The following TUB variants were observed in gnomAD, a reference collection of about 807,000 sequenced individuals.
The protein encoded by TUB is tubby protein homolog.
TUB carries 33 observed loss-of-function variants against 59.7 expected under a neutral mutation model. The ratio of observed to expected loss-of-function variants is 0.55; its 90% CI spans 0.42 to 0.74. TUB has a LOEUF of 0.74. Ranked by LOEUF, TUB falls within the 30% of genes least tolerant of loss-of-function variation. The pLI is 0.00. For missense variants in TUB, 659 were observed against 672.0 expected, an observed-to-expected ratio of 0.98 and a Z score of 0.21; for synonymous variants, 293 against 256.4, an observed-to-expected ratio of 1.14 and a Z score of -1.36.
In TUB at chr11:8,101,976, A is replaced by G. The variant is rs1379616749; in HGVS notation, c.*357A>G. 53 of 269,394 alleles carry G rather than the reference A, an allele frequency of 2.0e-4. No individual in the cohort carries two copies. In the Admixed American group the frequency reaches 2.5e-3, roughly 12 times the overall value. The allele number at this position is 269,394 out of a possible 1,614,324, so 16.7% of individuals were successfully genotyped here. A position where few individuals can be genotyped will look rare whatever the true frequency, so the allele number is the denominator to read the frequency against. ...AGAGGCATAGAGGGAGAGGAAGCAC[A>G]CTGCAGGGCTGCTGTGGCCCAGTCG... On this transcript the variant is annotated 3_prime_UTR_variant, in exon 12 of 12. Transcript: ENST00000299506.
exon 1 of TUB, chr11:8,038,766 G>A: frequency 6.6e-7 from 1 of 1,512,926 alleles, no homozygotes. Context: ...ACATCCAAGT[G>A]CTGGTTTCAG....
intron 2 of TUB, among the ~76,000 whole-genome samples, chr11:8,065,727 CAGCTCTGCTTCAGGGTTTATCTGACCCA>C (rs991534787): frequency 6.6e-6 from 1 of 152,136 alleles, no homozygotes; most frequent in African/African-American, 2.4e-5. Context: ...GCTGGAAGAG[CAGCTCTGCTTCAGGGTTTATCTGACCCA>C]AGGGTAATGA....
Position 8,100,937 on chromosome 11 carries a change from T to C in TUB, c.1327T>C (p.Phe443Leu), listed in dbSNP as rs1430609247. The part of the protein sequence containing the change: ...NDDTQSYVLN[F>L]HGRVTQASVK... The stretch of plus-strand genomic sequence containing the variant: ...TGACACACAGTCCTATGTACTCAAC[T>C]TCCATGGGCGCGTCACACAGGCCTC... The change falls in exon 11 of 12, where the codon TTC (phenylalanine) becomes CTC (leucine). Residue 443 changes from phenylalanine (F) to leucine (L), a missense_variant. Around this residue, in one of 3 missense-constraint regions of TUB, gnomAD observed 226 missense variants for 210.8 expected, o/e 1.07. Coordinates refer to ENST00000299506, the MANE Select transcript of TUB (RefSeq NM_177972.3). The C allele has an allele frequency of 6.2e-7, 1 of 1,614,016 alleles. No homozygotes were observed. The highest frequency in any genetic ancestry group is 8.5e-7 in the Non-Finnish European group (1 of 1,180,022).
intron 2 of TUB, chr11:8,062,142 T>G (rs997777013): frequency 2.0e-5 from 3 of 152,304 alleles, no homozygotes; most frequent in Non-Finnish European, 4.4e-5. Context: ...AGACGGAGTC[T>G]GCCCAGGCCA....
intron 2 of TUB, among the ~76,000 whole-genome samples, chr11:8,067,208 T>C (rs1185289426): frequency 6.6e-6 from 1 of 152,202 alleles, no homozygotes; most frequent in African/African-American, 2.4e-5. Context: ...TTAAAAATAC[T>C]GCGCATATGA....
Position 8,105,256 on chromosome 11 carries a change from T to G in TUB, c.*3637T>G, listed in dbSNP as rs1944502609. ...TCAGGATGCCAAGTGGCCCTCAGAT[T>G]ACACTTCTCCAGATAGCTGAATGAG... On this transcript the variant is annotated 3_prime_UTR_variant, in exon 12 of 12. Transcript: ENST00000299506. The G allele has an allele frequency of 6.6e-6, 1 of 152,220 alleles. No individual in the cohort carries two copies. Among genetic ancestry groups the G allele is most frequent in the African/African-American group, 2.4e-5 (1 of 41,436 alleles). 9.4% of individuals were successfully genotyped at this position (152,220 alleles called of 1,614,324 possible).
At chr11:8,085,394 C>G (rs1362898413) in intron 1 of TUB, among the ~76,000 whole-genome samples, 1 of 152,214 alleles carries the variant, frequency 6.6e-6, no homozygotes, top group East Asian at 1.9e-4. Context: ...GGAATGGGGA[C>G]GGCACATCCT....
At chr11:8,038,688 G>C (rs1942687853) in exon 1 of TUB, 2 of 1,428,980 alleles carry the variant, frequency 1.4e-6, no homozygotes, top group African/African-American at 1.4e-5. Flanking sequence ...ACCAGAAGAT[G>C]TTTCCATGTC....
At position 8,052,705 on chromosome 11, in the gene TUB, G is replaced by A. The variant is rs986020406; in HGVS notation, c.203+13013G>A. ...TTAGCCAGGATGATCTCGATCTCCT[G>A]ACCTCGTGATCCGGCCACCTTGGCC... is the stretch of plus-strand genomic sequence containing the variant. On this transcript the variant is annotated intron_variant, in intron 2 of 12. Coordinates refer to the TUB transcript ENST00000305253. Among the ~76,000 whole-genome samples the A allele has an allele frequency of 3.9e-5, 6 of 152,124 alleles. No individual in the cohort carries two copies. In the East Asian group the frequency reaches 1.2e-3, roughly 29 times the overall value.
At chr11:8,046,057 G>T (rs796250203) in intron 2 of TUB, among the ~76,000 whole-genome samples, 1 of 152,072 alleles carries the variant, frequency 6.6e-6, no homozygotes, top group Admixed American at 6.6e-5. Flanking sequence ...ACAGGCCTCC[G>T]AAGCACATTT....
chr11:8,059,397 A>C (rs1943079495), intron 2 of TUB, among the ~76,000 whole-genome samples: 1 of 152,174 alleles, frequency 6.6e-6, no homozygotes. Context: ...AGGCTGGGAC[A>C]AGAGGAGCTG....
chr11:8,096,716 TGAG>T lies in TUB; in HGVS notation c.603_605del (p.Glu201del), dbSNP rs371564823. 3.1e-6 allele frequency: 5 copies of T among 1,613,252 alleles called. No homozygotes were observed. In the East Asian group the frequency reaches 8.9e-5, roughly 29 times the overall value. On this transcript the variant is annotated inframe_deletion, in exon 6 of 12. Coordinates refer to ENST00000299506, the MANE Select transcript of TUB (RefSeq NM_177972.3). ...CCAGCAGCATGAGCTTTGACGAGGA[TGAG>T]GAGGATGAGGAGGAGAATAGCTCCA... is the stretch of plus-strand genomic sequence containing the variant.
intron 2 of TUB, among the ~76,000 whole-genome samples, chr11:8,052,465 C>CTTTTT (rs11290658): frequency 7.0e-5 from 6 of 85,328 alleles, no homozygotes; most frequent in Non-Finnish European, 1.0e-4. Context: ...TGAATAGGAC[C>CTTTTT]TTTTTTTTTT....
chr11:8,084,674 C>T (rs913847341), intron 1 of TUB, among the ~76,000 whole-genome samples: 36 of 152,300 alleles, frequency 2.4e-4, no homozygotes, highest in African/African-American at 8.2e-4. Context: ...GTCATGTCCC[C>T]AGCACAGACA....
In TUB at chr11:8,100,862, A is replaced by G. The variant is rs748282295; in HGVS notation, c.1252A>G (p.Asn418Asp). ...ETLLARWQNKNTESIIELQNK... is the reference protein window; with the variant it reads ...ETLLARWQNKDTESIIELQNK... ...ACTGCTAGCACGCTGGCAGAATAAG[A>G]ACACGGAGAGTATCATCGAGCTGCA... is the stretch of plus-strand genomic sequence containing the variant. The change falls in exon 11 of 12, where the codon AAC becomes GAC. Residue 418 changes from asparagine (N) to aspartate (D), a missense_variant. Coordinates refer to ENST00000299506, the MANE Select transcript of TUB (RefSeq NM_177972.3). The G allele has an allele frequency of 2.5e-6, 4 of 1,614,156 alleles. No homozygotes were observed. Among genetic ancestry groups the G allele is most frequent in the Non-Finnish European group, 3.4e-6 (4 of 1,180,022 alleles).
chr11:8,081,977 C>CAA (rs1564914009), intron 1 of TUB, among the ~76,000 whole-genome samples: 1 of 152,242 alleles, frequency 6.6e-6, no homozygotes, highest in Non-Finnish European at 1.5e-5. Flanking sequence ...TTCACACTCT[C>CAA]AAAGCATGGA....
chr11:8,056,315 C>T (rs771254782), intron 2 of TUB, among the ~76,000 whole-genome samples: 2 of 152,092 alleles, frequency 1.3e-5, no homozygotes, highest in Non-Finnish European at 2.9e-5. Context: ...CTGGAATGTG[C>T]GGCCATATGG....
At chr11:8,051,445 A>G (rs1333442326) in intron 2 of TUB, among the ~76,000 whole-genome samples, 3 of 152,210 alleles carry the variant, frequency 2.0e-5, no homozygotes, top group Admixed American at 2.0e-4. Context: ...AATGATGAAT[A>G]TATTTGTACA....
intron 2 of TUB, among the ~76,000 whole-genome samples, chr11:8,065,368 T>C (rs55961435): frequency 0.048 from 7,278 of 152,204 alleles, 493 homozygotes; most frequent in East Asian, 0.21. Flanking sequence ...TGCCCCAGGT[T>C]CAACAATGGG....
Sources: allele counts gnomAD v4.1 joint callset (sites outside exome capture counted in the v4.1 genomes callset), GRCh38; gene constraint gnomAD v4.1.1; regional missense constraint gnomAD v4.1.1; transcripts MANE v1.5; gene names NCBI Gene and HGNC (gene_info 2026-07-23, HGNC 2026-07-21).